CORIN: variants seen among roughly 807,000 people sequenced by gnomAD.
CORIN encodes the protein corin, serine peptidase, also known as atrial natriuretic peptide-converting enzyme.
A neutral mutation model predicts 125.3 loss-of-function variants in CORIN; 117 were observed. The ratio of observed to expected loss-of-function variants is 0.93; its 90% CI spans 0.80 to 1.09. The LOEUF (loss-of-function observed/expected upper bound fraction) is 1.09. CORIN is among the 50% of genes least tolerant of loss of function. CORIN has a pLI of 0.00. For missense variants in CORIN, 1,253 were observed against 1,306.7 expected (o/e 0.96, Z 0.63); for synonymous variants, 450 against 466.4 (o/e 0.96, Z 0.45).
intron 3 of CORIN, among the ~76,000 whole-genome samples, chr4:47,773,050 CATT>C (rs1449437000): frequency 1.3e-5 from 2 of 152,010 alleles, no homozygotes; most frequent in African/African-American, 2.4e-5. Flanking sequence ...CATTTTAAAA[CATT>C]AGTCATTTAA....
Position 47,603,510 on chromosome 4 carries a change from T to G in CORIN, c.2699A>C (p.Glu900Ala). ...DYDISIVELSEDISETGYVRP... is the reference protein window; with the variant it reads ...DYDISIVELSADISETGYVRP... ...GACGTAGCCAGTCTCACTGATGTCT[T>G]CACTCAGCTCAACGATGCTGATGTC... The change falls in exon 20 of 22, where the codon GAA becomes GCA. Residue 900 changes from glutamate (E) to alanine (A), a missense_variant. By Grantham distance (107) the Glu-to-Ala change is moderately radical. Coordinates refer to ENST00000273857, the MANE Select transcript of CORIN (RefSeq NM_006587.4). The G allele has an allele frequency of 6.2e-7, 1 of 1,614,156 alleles. No homozygotes were observed. The highest frequency in any genetic ancestry group is 8.5e-7 in the Non-Finnish European group (1 of 1,180,032).
intron 3 of CORIN, among the ~76,000 whole-genome samples, chr4:47,775,421 A>T (rs902304485): frequency 4.0e-5 from 6 of 151,554 alleles, no homozygotes; most frequent in Non-Finnish European, 8.8e-5. Flanking sequence ...TCCTGTGTCC[A>T]AGTGTTCTCA....
intron 5 of CORIN, among the ~76,000 whole-genome samples, chr4:47,694,028 T>C (rs2109744280): frequency 6.6e-6 from 1 of 152,346 alleles, no homozygotes; most frequent in Non-Finnish European, 1.5e-5. Context: ...ATGATATTCA[T>C]ACCATCATTG....
chr4:47,632,191 G>A (rs1453248713), intron 16 of CORIN: 3 of 152,174 alleles, frequency 2.0e-5, no homozygotes, highest in Non-Finnish European at 2.9e-5. Context: ...CAAGACAGAA[G>A]TGCAGGAATT....
intron 9 of CORIN, among the ~76,000 whole-genome samples, chr4:47,675,724 C>A (rs1724985338): frequency 6.6e-6 from 1 of 152,044 alleles, no homozygotes; most frequent in Non-Finnish European, 1.5e-5. Context: ...TTATGGAAGA[C>A]ATATTTATTT....
chr4:47,793,310 C>T (rs757758474), intron 2 of CORIN, among the ~76,000 whole-genome samples: 5 of 151,972 alleles, frequency 3.3e-5, no homozygotes, highest in Non-Finnish European at 5.9e-5. Flanking sequence ...ATTCGTTGAA[C>T]GTATGAATGA....
chr4:47,834,852 G>A (rs554176307), intron 1 of CORIN, among the ~76,000 whole-genome samples: 19 of 152,284 alleles, frequency 1.2e-4, no homozygotes, highest in South Asian at 8.3e-4. Flanking sequence ...AGTACTTCTA[G>A]TACGTATTCC....
intron 5 of CORIN, among the ~76,000 whole-genome samples, chr4:47,722,696 C>T (rs10008812): frequency 0.046 from 6,957 of 152,182 alleles, 496 homozygotes; most frequent in African/African-American, 0.16. Context: ...CATCTGTCTA[C>T]CGAAATACGT....
intron 2 of CORIN, among the ~76,000 whole-genome samples, chr4:47,805,151 T>TAA (rs1560557432): frequency 7.9e-6 from 1 of 126,542 alleles, no homozygotes; most frequent in Non-Finnish European, 1.7e-5. Flanking sequence ...AAAAAAAAAA[T>TAA]AATAATAATA....
intron 9 of CORIN, among the ~76,000 whole-genome samples, chr4:47,677,711 G>A (rs1293952180): frequency 6.6e-6 from 1 of 152,180 alleles, no homozygotes; most frequent in Non-Finnish European, 1.5e-5. Context: ...TGACCATGCT[G>A]TTCAGGTGTC....
At chr4:47,616,614 C>T (rs1247916380) in intron 19 of CORIN, among the ~76,000 whole-genome samples, 2 of 152,080 alleles carry the variant, frequency 1.3e-5, no homozygotes, top group Non-Finnish European at 2.9e-5. Context: ...CATTGGACTG[C>T]AAGATGGAAG....
At chr4:47,774,308 C>A (rs574477681) in intron 3 of CORIN, among the ~76,000 whole-genome samples, 1 of 152,072 alleles carries the variant, frequency 6.6e-6, no homozygotes, top group Non-Finnish European at 1.5e-5. Flanking sequence ...AGGTGGGAGC[C>A]CCACCCCCTT....
intron 1 of CORIN, among the ~76,000 whole-genome samples, chr4:47,809,396 CTTTTTTTTTTT>C (rs374248975): frequency 2.8e-5 from 3 of 107,362 alleles, no homozygotes; most frequent in Admixed American, 8.6e-5. Context: ...GAATTGATTG[CTTTTTTTTTTT>C]TTTTTTTTTT....
At chr4:47,775,001 C>T (rs1323146761) in intron 3 of CORIN, among the ~76,000 whole-genome samples, 1 of 152,054 alleles carries the variant, frequency 6.6e-6, no homozygotes, top group Non-Finnish European at 1.5e-5. Context: ...GAGTTTCAGG[C>T]GTGCAAGATG....
At chr4:47,675,219 C>T (rs1724960806) in intron 9 of CORIN, among the ~76,000 whole-genome samples, 1 of 152,144 alleles carries the variant, frequency 6.6e-6, no homozygotes, top group Middle Eastern at 3.2e-3. Flanking sequence ...TAATAAATTA[C>T]TGCCCATTCA....
chr4:47,654,460 AC>A (rs1306946430), intron 12 of CORIN, among the ~76,000 whole-genome samples: 1 of 151,980 alleles, frequency 6.6e-6, no homozygotes, highest in East Asian at 1.9e-4. Flanking sequence ...CACCAACACC[AC>A]CCCTCCCCCA....
intron 21 of CORIN, among the ~76,000 whole-genome samples, chr4:47,600,008 A>G (rs915486267): frequency 6.6e-6 from 1 of 152,224 alleles, no homozygotes; most frequent in African/African-American, 2.4e-5. Flanking sequence ...AGACAGTAGA[A>G]GGCACCCTGA....
At chr4:47,771,625 ATT>A (rs1730034281) in intron 3 of CORIN, among the ~76,000 whole-genome samples, 1 of 152,044 alleles carries the variant, frequency 6.6e-6, no homozygotes, top group Non-Finnish European at 1.5e-5. Flanking sequence ...CCCAGTGTGA[ATT>A]GTTTCCCTCT....
At chr4:47,686,429 C>G (rs1205889458) in intron 6 of CORIN, among the ~76,000 whole-genome samples, 1 of 152,024 alleles carries the variant, frequency 6.6e-6, no homozygotes, top group Non-Finnish European at 1.5e-5. Flanking sequence ...CTAAGAAGTC[C>G]TAGCGATCAC....
Sources: gnomAD v4.1 joint callset for allele counts (sites outside exome capture counted in the v4.1 genomes callset) on GRCh38, gnomAD v4.1.1 for gene constraint, MANE v1.5 for transcripts, NCBI Gene and HGNC (gene_info 2026-07-23, HGNC 2026-07-21) for gene names.